OLAH: variants seen among roughly 807,000 people sequenced by gnomAD.
OLAH encodes the protein oleoyl-ACP hydrolase, also known as S-acyl fatty acid synthase thioesterase, medium chain.
In OLAH, 33 loss-of-function variants were observed where a neutral mutation model predicts 27.8. That is an observed-to-expected ratio of 1.19 (90% CI 0.90 to 1.59). The LOEUF is 1.59. Among genes scored for constraint, OLAH ranks in the 40% most tolerant of loss-of-function variants. The pLI, the probability that OLAH is intolerant of heterozygous loss-of-function variation, is 0.00. For synonymous variants in OLAH, 120 were observed against 102.9 expected, an observed-to-expected ratio of 1.17 and a Z score of -1.01; for missense variants, 359 against 310.8, an observed-to-expected ratio of 1.16 and a Z score of -1.17.
At chr10:15,032,929 G>T (rs1355264482) in intron 1 of OLAH, among the ~76,000 whole-genome samples, 2 of 152,074 alleles carry the variant, frequency 1.3e-5, no homozygotes, top group Admixed American at 1.3e-4. Flanking sequence ...CTGGAGTGCA[G>T]TGGTGCAATC....
chr10:15,049,539 A>G, intron 2 of OLAH, 96 bp from the exon 3 acceptor site: 1 of 843,984 alleles, frequency 1.2e-6, no homozygotes, highest in South Asian at 2.3e-5. Flanking sequence ...TATGTTTCTT[A>G]TAATTAATAA....
At chr10:15,033,963 A>G (rs11259442) in intron 1 of OLAH, among the ~76,000 whole-genome samples, 65,290 of 151,532 alleles carry the variant, frequency 0.43, 14,745 homozygotes, top group East Asian at 0.7. Flanking sequence ...AGGAAGGAAG[A>G]AGGAGGGGGA....
At chr10:15,042,797 C>G (rs1236141669), upstream of OLAH, among the ~76,000 whole-genome samples, 1 of 147,068 alleles carries the variant, frequency 6.8e-6, no homozygotes, top group Non-Finnish European at 1.5e-5. Context: ...AGCATAGTTT[C>G]TGGAACCAGA....
chr10:15,061,672 C>T, intron 3 of OLAH, 52 bp from the exon 4 acceptor site: 1 of 1,454,002 alleles, frequency 6.9e-7, no homozygotes. Context: ...TATAACATCA[C>T]AATATCTCAT....
At chr10:15,034,218 A>G (rs1387767593) in intron 1 of OLAH, among the ~76,000 whole-genome samples, 4 of 151,652 alleles carry the variant, frequency 2.6e-5, no homozygotes, top group Non-Finnish European at 5.9e-5. Flanking sequence ...GGTTCAAGCA[A>G]TTCTCCTGGG....
chr10:15,051,059 G>C (rs1844129036), intron 3 of OLAH, among the ~76,000 whole-genome samples: 1 of 126,814 alleles, frequency 7.9e-6, no homozygotes, highest in South Asian at 2.6e-4. Context: ...TTTCAAGACT[G>C]TTTATTATTA....
intron 3 of OLAH, among the ~76,000 whole-genome samples, chr10:15,058,040 A>T (rs376636448): frequency 7.9e-5 from 12 of 152,176 alleles, no homozygotes; most frequent in African/African-American, 2.9e-4. Flanking sequence ...TCAGCTTATC[A>T]ATTTCCTGAG....
At chr10:15,035,926 C>T (rs1843834612) in intron 1 of OLAH, among the ~76,000 whole-genome samples, 1 of 152,198 alleles carries the variant, frequency 6.6e-6, no homozygotes, top group African/African-American at 2.4e-5. Flanking sequence ...TCACACCAAT[C>T]TCGCGAGGCA....
At chr10:15,072,021 C>T in intron 7 of OLAH, 144 bp downstream of exon 7, 2 of 575,296 alleles carry the variant, frequency 3.5e-6, no homozygotes, top group Admixed American at 3.0e-5. Context: ...GCAACCTCCG[C>T]CTCCCAGGTT....
chr10:15,048,829 G>A (rs1020149455), intron 2 of OLAH, among the ~76,000 whole-genome samples: 1 of 152,056 alleles, frequency 6.6e-6, no homozygotes, highest in South Asian at 2.1e-4. Context: ...CAAGGGCTGG[G>A]TGTGGCTTAT....
intron 6 of OLAH, among the ~76,000 whole-genome samples, chr10:15,067,897 C>T (rs956460002): frequency 1.1e-4 from 16 of 152,336 alleles, no homozygotes; most frequent in Admixed American, 8.5e-4. Flanking sequence ...ACTACTTCAG[C>T]TCATATAATC....
chr10:15,042,605 C>T (rs932694488), upstream of OLAH, among the ~76,000 whole-genome samples: 9 of 152,290 alleles, frequency 5.9e-5, no homozygotes, highest in Non-Finnish European at 1.3e-4. Context: ...ACTACAGTCA[C>T]TCTGTTGTGC....
upstream of OLAH, among the ~76,000 whole-genome samples, chr10:15,040,262 C>A (rs928138001): frequency 1.3e-5 from 2 of 152,114 alleles, no homozygotes; most frequent in African/African-American, 2.4e-5. Context: ...GTCCTTCCAA[C>A]CTGCCAGTCT....
intron 6 of OLAH, among the ~76,000 whole-genome samples, chr10:15,069,461 T>C (rs529036538): frequency 7.2e-5 from 11 of 152,170 alleles, no homozygotes; most frequent in Non-Finnish European, 1.6e-4. Flanking sequence ...CAGGTGGCAG[T>C]CTAGTGCCAG....
In OLAH at chr10:15,073,572, A is replaced by G. The variant is rs1188106603; in HGVS notation, c.*343A>G. Reference sequence around the variant, plus strand: ...CTACTCGGGAGGCTGAGGCAGGAGAATGGTGTGAACCTGGGAGGTGGAGCT... The same window carrying G: ...CTACTCGGGAGGCTGAGGCAGGAGAGTGGTGTGAACCTGGGAGGTGGAGCT... On this transcript the variant is annotated 3_prime_UTR_variant, in exon 8 of 8. Transcript: ENST00000378228. 6.1e-5 allele frequency: 11 copies of G among 180,864 alleles called. No individual in the cohort carries two copies. The highest frequency in any genetic ancestry group is 1.1e-5 in the Non-Finnish European group (1 of 87,946). The allele number at this position is 180,864 out of a possible 1,614,324, so 11.2% of individuals were successfully genotyped here. A position where few individuals can be genotyped will look rare whatever the true frequency, so the allele number is the denominator to read the frequency against.
rs368795795 is a variant in OLAH at position 15,068,620 on chromosome 10, C to A, written c.572+2867C>A. Among the ~76,000 whole-genome samples, 7 of 152,256 alleles carry A rather than the reference C, an allele frequency of 4.6e-5. No individual in the cohort carries two copies. In the East Asian group the frequency reaches 1.4e-3, roughly 29 times the overall value. On this transcript the variant is annotated intron_variant, in intron 6 of 7. Transcript: ENST00000378228. ...ATGTTGGCCAGCCTGGTCTCGAACTCCTGACCTCAGGTGATCCACCCCACC... is the reference window on the plus strand; with the variant it reads ...ATGTTGGCCAGCCTGGTCTCGAACTACTGACCTCAGGTGATCCACCCCACC...
chr10:15,032,469 A>AAG (rs1174980708), intron 1 of OLAH: 2 of 151,994 alleles, frequency 1.3e-5, no homozygotes, highest in Non-Finnish European at 2.9e-5. Context: ...AAAAAAAAAA[A>AAG]AAAATGAGCT....
Position 15,047,199 on chromosome 10 carries a change from G to T in OLAH, c.-90G>T. 7.4e-7 allele frequency: 1 copy of T among 1,352,272 alleles called. No individual in the cohort carries two copies. The allele number at this position is 1,352,272 out of a possible 1,614,324, so 83.8% of individuals were successfully genotyped here. ...CACTCTTCTGTGTGCATAAGGCCGAGCAGAGGTTCTTCGTCTCAAGAGGAA... is the reference window on the plus strand; with the variant it reads ...CACTCTTCTGTGTGCATAAGGCCGATCAGAGGTTCTTCGTCTCAAGAGGAA... On this transcript the variant is annotated 5_prime_UTR_variant, in exon 2 of 8. Transcript: ENST00000378228.
chr10:15,065,671 A>G lies in OLAH; in HGVS notation c.490A>G (p.Lys164Glu). 1 of 1,614,156 alleles carries G rather than the reference A, an allele frequency of 6.2e-7. No individual in the cohort carries two copies. The highest frequency in any genetic ancestry group is 8.5e-7 in the Non-Finnish European group (1 of 1,180,018). Reference protein sequence around the residue: ...HYLMEFGGTPKHFAEAKEFVK... With the variant: ...HYLMEFGGTPEHFAEAKEFVK... The stretch of plus-strand genomic sequence containing the variant: ...CCTTATGGAATTTGGAGGCACCCCC[A>G]AGCATTTTGCTGAAGCCAAGGAATT... The change falls in exon 6 of 8, where the codon AAG (lysine) becomes GAG (glutamate). Residue 164 changes from lysine (K) to glutamate (E), a missense_variant. Lys to Glu is a moderately conservative substitution (Grantham distance 56). Coordinates refer to ENST00000378228, the MANE Select transcript of OLAH (RefSeq NM_001039702.3).
Sources: gnomAD v4.1 joint callset for allele counts (sites outside exome capture counted in the v4.1 genomes callset) on GRCh38, gnomAD v4.1.1 for gene constraint, MANE v1.5 for transcripts, NCBI Gene and HGNC (gene_info 2026-07-23, HGNC 2026-07-21) for gene names.